ST18: variants seen among roughly 807,000 people sequenced by gnomAD.
The protein encoded by ST18 is suppression of tumorigenicity 18 protein.
Under a neutral mutation model 110.0 loss-of-function variants are expected in ST18, and 50 were observed. The ratio of observed to expected loss-of-function variants is 0.45; its 90% confidence interval spans 0.36 to 0.58. The LOEUF is 0.58. ST18 is among the 20% of genes least tolerant of loss of function. The pLI, the probability that ST18 is intolerant of heterozygous loss-of-function variation, is 0.00. For synonymous variants in ST18, 461 were observed against 452.4 expected (o/e 1.02, Z -0.24); for missense variants, 1,306 against 1,280.1 (o/e 1.02, Z -0.31).
chr8:52,120,692 C>T (rs2044377409), intron 23 of ST18, among the ~76,000 whole-genome samples: 1 of 152,122 alleles, frequency 6.6e-6, no homozygotes, highest in Admixed American at 6.5e-5. Flanking sequence ...CAGGGAAGGG[C>T]TGTAGGTAGG....
intron 2 of ST18, among the ~76,000 whole-genome samples, chr8:52,295,507 C>T (rs1428444668): frequency 6.6e-6 from 1 of 152,012 alleles, no homozygotes; most frequent in Non-Finnish European, 1.5e-5. Flanking sequence ...TATACAGCCA[C>T]AGAATTATGA....
At chr8:52,227,442 C>T (rs1026611519) in intron 3 of ST18, among the ~76,000 whole-genome samples, 4 of 152,032 alleles carry the variant, frequency 2.6e-5, no homozygotes, top group Non-Finnish European at 5.9e-5. Context: ...TTCCAGAAGA[C>T]GATGATTCCT....
chr8:52,230,479 C>A (rs1008448890), intron 2 of ST18, among the ~76,000 whole-genome samples: 3 of 152,072 alleles, frequency 2.0e-5, no homozygotes, highest in Non-Finnish European at 4.4e-5. Flanking sequence ...AAGGAACAGC[C>A]CGCACGGCAG....
rs573158414 is a variant in ST18 at position 52,282,645 on chromosome 8, C to T, written c.-464-52568G>A. Among the ~76,000 whole-genome samples, 38 of 152,184 alleles carry T rather than the reference C, an allele frequency of 2.5e-4. No homozygotes were observed. In the South Asian group the frequency reaches 7.3e-3, roughly 29 times the overall value. On this transcript the variant is annotated intron_variant, in intron 2 of 25. Transcript: ENST00000689386. Reference sequence around the variant, plus strand: ...TCATGGCCAGAAAATAGTCCACAGGCAGAGAAGCTTAGGTGCTTGAGGTAT... The same window carrying T: ...TCATGGCCAGAAAATAGTCCACAGGTAGAGAAGCTTAGGTGCTTGAGGTAT...
At position 52,162,965 on chromosome 8, in the gene ST18, C is replaced by T. The variant is rs112191671; in HGVS notation, c.1400+1021G>A. Among the ~76,000 whole-genome samples, 1,126 of 152,142 alleles carry T rather than the reference C, an allele frequency of 7.4e-3. 8 individuals carry two copies. Among genetic ancestry groups the T allele is most frequent in the Admixed American group, 0.012 (181 of 15,288 alleles). ...CTAGTTGATCTTATTGCCTTTATAACTTGGTTTAGAGCCTTAAATCTGCAT... is the reference window on the plus strand; with the variant it reads ...CTAGTTGATCTTATTGCCTTTATAATTTGGTTTAGAGCCTTAAATCTGCAT... On this transcript the variant is annotated intron_variant, in intron 13 of 25. Transcript: ENST00000689386.
chr8:52,302,621 C>T (rs1397603171), intron 2 of ST18, among the ~76,000 whole-genome samples: 1 of 152,076 alleles, frequency 6.6e-6, no homozygotes, highest in African/African-American at 2.4e-5. Flanking sequence ...CAGAACAGTA[C>T]AAAGTGGACC....
Position 52,399,003 on chromosome 8 carries a change from G to A in ST18, c.-465+10325C>T, listed in dbSNP as rs531779205. Among the ~76,000 whole-genome samples, 7 of 152,110 alleles carry A rather than the reference G, an allele frequency of 4.6e-5. No homozygotes were observed. In the East Asian group the frequency reaches 7.7e-4, roughly 17 times the overall value. On this transcript the variant is annotated intron_variant, in intron 2 of 25. Coordinates refer to ENST00000689386, the MANE Select transcript of ST18 (RefSeq NM_001352837.2). ...TATCTCTATTTTTGGAAGAATAGAA[G>A]AATTATTGGTAATAATTCTTCTTTG...
chr8:52,122,160 T>A (rs1417048788), intron 23 of ST18, among the ~76,000 whole-genome samples: 1 of 152,190 alleles, frequency 6.6e-6, no homozygotes, highest in Non-Finnish European at 1.5e-5. Context: ...AATATTTTAC[T>A]TAACTGTTCA....
In ST18 at chr8:52,253,241, T is replaced by TA. The variant is rs201892151; in HGVS notation, c.-464-23165dup. Among the ~76,000 whole-genome samples the TA allele has an allele frequency of 9.8e-3, 1,489 of 152,204 alleles. 20 individuals carry two copies. Among genetic ancestry groups the TA allele is most frequent in the African/African-American group, 0.034 (1,413 of 41,556 alleles). ...CCACATGTATCAAAGTAAGCACCTA[T>TA]AATAAAAGCTTTATTAAAACAAAAG... On this transcript the variant is annotated intron_variant, in intron 2 of 25. Coordinates refer to ENST00000689386, the MANE Select transcript of ST18 (RefSeq NM_001352837.2).
At chr8:52,281,094 G>A (rs1189073213) in intron 2 of ST18, among the ~76,000 whole-genome samples, 4 of 152,026 alleles carry the variant, frequency 2.6e-5, no homozygotes, top group Non-Finnish European at 5.9e-5. Context: ...CATAAAGCTC[G>A]TGGTAATTAG....
At chr8:52,310,503 G>A (rs142949754) in intron 2 of ST18, among the ~76,000 whole-genome samples, 3 of 152,168 alleles carry the variant, frequency 2.0e-5, no homozygotes, top group African/African-American at 7.2e-5. Flanking sequence ...TAAATTGCAT[G>A]CAGGCAAGGT....
At chr8:52,285,686 G>GA (rs933840735) in intron 2 of ST18, among the ~76,000 whole-genome samples, 4 of 152,238 alleles carry the variant, frequency 2.6e-5, no homozygotes, top group Non-Finnish European at 4.4e-5. Context: ...GACCTGAAAT[G>GA]ATGGACACCC....
chr8:52,192,911 A>G (rs2075032548), intron 8 of ST18, among the ~76,000 whole-genome samples: 1 of 152,144 alleles, frequency 6.6e-6, no homozygotes, highest in South Asian at 2.1e-4. Flanking sequence ...AGGAAAATAG[A>G]TACCGTCCTG....
intron 2 of ST18, among the ~76,000 whole-genome samples, chr8:52,294,949 A>C (rs1156294331): frequency 2.6e-5 from 4 of 152,330 alleles, no homozygotes; most frequent in Non-Finnish European, 4.4e-5. Flanking sequence ...ACTGTGCTTT[A>C]TCTCTTAAAA....
In ST18 at chr8:52,116,272, T is replaced by C; in HGVS notation, c.3003+3A>G. 1.9e-6 allele frequency: 3 copies of C among 1,612,996 alleles called. No individual in the cohort carries two copies. The highest frequency in any genetic ancestry group is 2.5e-6 in the Non-Finnish European group (3 of 1,179,608). Reference sequence around the variant, plus strand: ...AATGGCAAGGTTCTGGCCTTGAACTTACCATCTGTGGAAGCTGGATGTCAG... The same window carrying C: ...AATGGCAAGGTTCTGGCCTTGAACTCACCATCTGTGGAAGCTGGATGTCAG... On this transcript the variant is annotated splice_donor_region_variant and intron_variant, in intron 25 of 25. Transcript: ENST00000689386.
intron 2 of ST18, among the ~76,000 whole-genome samples, chr8:52,377,346 A>G (rs561449730): frequency 5.3e-4 from 80 of 152,318 alleles, no homozygotes; most frequent in African/African-American, 1.9e-3. Flanking sequence ...CCCTAGATCT[A>G]TGTGGTGACT....
chr8:52,363,535 C>T (rs1248627177), intron 2 of ST18, among the ~76,000 whole-genome samples: 3 of 152,068 alleles, frequency 2.0e-5, no homozygotes, highest in African/African-American at 4.8e-5. Context: ...TTTCTTGGAT[C>T]GTTACATTGG....
intron 8 of ST18, among the ~76,000 whole-genome samples, chr8:52,197,700 G>A (rs1177302706): frequency 6.6e-6 from 1 of 152,044 alleles, no homozygotes; most frequent in Non-Finnish European, 1.5e-5. Context: ...TAAGATGGAA[G>A]AAAACAGAAA....
intron 15 of ST18, chr8:52,154,618 A>T (rs924191222): frequency 6.6e-6 from 1 of 152,188 alleles, no homozygotes; most frequent in African/African-American, 2.4e-5. Flanking sequence ...GCCCCGTGGC[A>T]AGACCAAAGG....
Sources: gnomAD v4.1 joint callset for allele counts (sites outside exome capture counted in the v4.1 genomes callset) on GRCh38, gnomAD v4.1.1 for gene constraint, MANE v1.5 for transcripts, NCBI Gene and HGNC (gene_info 2026-07-23, HGNC 2026-07-21) for gene names.